NHS: variants seen among roughly 807,000 people sequenced by gnomAD.
NHS encodes the protein actin remodeling regulator NHS.
A neutral mutation model predicts 72.5 loss-of-function variants in NHS; 5 were observed. The ratio of observed to expected loss-of-function variants is 0.07; its 90% CI spans 0.04 to 0.14. NHS has a LOEUF of 0.14. Among genes scored for constraint, NHS ranks in the 10% least tolerant of loss-of-function variants. The pLI, the probability that NHS is intolerant of heterozygous loss-of-function variation, is 1.00. For synonymous variants in NHS, 464 were observed against 547.7 expected (o/e 0.85, Z 2.13); for missense variants, 1,072 against 1,355.7 (o/e 0.79, Z 3.29).
At chrX:17,429,415 A>G (rs936191148) in intron 1 of NHS, among the ~76,000 whole-genome samples, 1 of 111,844 alleles carries the variant, frequency 8.9e-6, no homozygotes, top group African/African-American at 3.3e-5. Context: ...GGGTATCAAA[A>G]TCCAGTAAGA....
chrX:17,449,152 C>T (rs2064795254), intron 1 of NHS, among the ~76,000 whole-genome samples: 1 of 113,094 alleles, frequency 8.8e-6, no homozygotes. Flanking sequence ...AGGGAAGTCC[C>T]TATGGGACGC....
At chrX:17,456,303 G>A (rs1360577606) in intron 1 of NHS, among the ~76,000 whole-genome samples, 1 of 111,393 alleles carries the variant, frequency 9.0e-6, no homozygotes, top group Non-Finnish European at 1.9e-5. Flanking sequence ...AAGAGTCTGG[G>A]TTATTGGTTT....
intron 1 of NHS, among the ~76,000 whole-genome samples, chrX:17,620,596 GA>G (rs371791989): frequency 0.12 from 11,425 of 96,726 alleles, 1,645 homozygotes; most frequent in African/African-American, 0.39. Flanking sequence ...AAAGTTCCCT[GA>G]AAAAAAAAAA....
intron 1 of NHS, among the ~76,000 whole-genome samples, chrX:17,540,130 T>C (rs773290773): frequency 8.9e-6 from 1 of 112,225 alleles, no homozygotes; most frequent in South Asian, 3.7e-4. Context: ...TCTGAGCCCA[T>C]ACTTTCTCAT....
At chrX:17,635,512 C>G in intron 1 of NHS, 1 of 1,167,569 alleles carries the variant, frequency 8.6e-7, no homozygotes, top group Non-Finnish European at 1.1e-6. Context: ...CATTCAGAGA[C>G]GTCTTTGCAT....
intron 1 of NHS, among the ~76,000 whole-genome samples, chrX:17,564,408 C>T (rs753530670): frequency 1.8e-5 from 2 of 112,340 alleles, no homozygotes; most frequent in East Asian, 5.6e-4. Context: ...CTGGGGGACA[C>T]GATCATTGCT....
intron 1 of NHS, among the ~76,000 whole-genome samples, chrX:17,425,568 AAAAGAAAG>A (rs1474964907): frequency 1.2e-3 from 89 of 77,059 alleles, no homozygotes; most frequent in South Asian, 1.8e-3. Context: ...AAAAAAAAAA[AAAAGAAAG>A]AAAGAAAGAA....
intron 1 of NHS, among the ~76,000 whole-genome samples, chrX:17,659,893 T>G (rs1016051410): frequency 8.9e-6 from 1 of 111,985 alleles, no homozygotes; most frequent in Non-Finnish European, 1.9e-5. Flanking sequence ...GGCAAACAAG[T>G]GACAAATTTG....
At chrX:17,394,178 T>G (rs112051432) in intron 1 of NHS, among the ~76,000 whole-genome samples, 66 of 111,716 alleles carry the variant, frequency 5.9e-4, no homozygotes, top group African/African-American at 2.0e-3. Context: ...TGTGTTTTGA[T>G]TGAACGTTTA....
chrX:17,713,311 G>A (rs1245362354), intron 3 of NHS, among the ~76,000 whole-genome samples: 3 of 111,673 alleles, frequency 2.7e-5, no homozygotes, highest in African/African-American at 6.5e-5. Context: ...AAGGACAAAC[G>A]AGCCCCATGG....
chrX:17,616,981 G>GA (rs775629736), intron 1 of NHS, among the ~76,000 whole-genome samples: 74 of 111,320 alleles, frequency 6.6e-4, no homozygotes, highest in African/African-American at 2.3e-3. Flanking sequence ...AATTGTAAAA[G>GA]AAAAAAAAGT....
chrX:17,593,345 A>C (rs1386231674), intron 1 of NHS, among the ~76,000 whole-genome samples: 1 of 111,137 alleles, frequency 9.0e-6, no homozygotes, highest in Non-Finnish European at 1.9e-5. Context: ...TTATTAATAT[A>C]GTAAGCAGAT....
intron 1 of NHS, among the ~76,000 whole-genome samples, chrX:17,574,926 C>G (rs1394371427): frequency 8.9e-6 from 1 of 111,932 alleles, no homozygotes; most frequent in Admixed American, 9.4e-5. Flanking sequence ...CAGAATGGCT[C>G]CAGTTCCTAG....
chrX:17,600,202 A>G (rs928957737), intron 1 of NHS, among the ~76,000 whole-genome samples: 3 of 111,292 alleles, frequency 2.7e-5, no homozygotes, highest in African/African-American at 9.8e-5. Context: ...AGGTTTCCCA[A>G]GACCTTGAAT....
intron 1 of NHS, among the ~76,000 whole-genome samples, chrX:17,560,605 CTTG>C (rs1332446584): frequency 8.9e-6 from 1 of 112,077 alleles, no homozygotes; most frequent in Non-Finnish European, 1.9e-5. Flanking sequence ...AATATTCTGA[CTTG>C]TTGTCATCTT....
intron 1 of NHS, among the ~76,000 whole-genome samples, chrX:17,418,312 A>G (rs376245482): frequency 6.3e-5 from 7 of 111,579 alleles, no homozygotes; most frequent in South Asian, 7.5e-4. Flanking sequence ...AATGTTGGAG[A>G]CGTTTTACTA....
intron 1 of NHS, among the ~76,000 whole-genome samples, chrX:17,471,086 A>G (rs762539706): frequency 1.8e-5 from 2 of 111,909 alleles, no homozygotes; most frequent in Non-Finnish European, 3.8e-5. Flanking sequence ...TAGGTGCTGT[A>G]TCTCCTTACA....
chrX:17,520,834 CTCTT>C (rs2065144594), intron 1 of NHS, among the ~76,000 whole-genome samples: 1 of 111,064 alleles, frequency 9.0e-6, no homozygotes, highest in South Asian at 3.8e-4. Context: ...TGCCACCACT[CTCTT>C]TATTTACAGG....
At chrX:17,537,998 C>T (rs1385213168) in intron 1 of NHS, among the ~76,000 whole-genome samples, 2 of 112,106 alleles carry the variant, frequency 1.8e-5, no homozygotes, top group African/African-American at 6.5e-5. Flanking sequence ...GGAGGGCTTC[C>T]TGCTCAGCCT....
Sources: gnomAD v4.1 joint callset for allele counts (sites outside exome capture counted in the v4.1 genomes callset) on GRCh38, gnomAD v4.1.1 for gene constraint, MANE v1.5 for transcripts, NCBI Gene and HGNC (gene_info 2026-07-23, HGNC 2026-07-21) for gene names.